Variants in INSL6 observed in about 807,000 individuals in gnomAD.
The protein encoded by INSL6 is insulin like 6.
In INSL6, 16 loss-of-function variants were observed where a neutral mutation model predicts 9.4. That is an observed-to-expected ratio of 1.70 (90% CI 1.15 to 2.59). INSL6 has a LOEUF of 2.59. Among genes scored for constraint, INSL6 ranks in the 30% most tolerant of loss-of-function variants. The probability of loss-of-function intolerance (pLI) is 0.00; values close to 1 mark genes in which losing one functional copy is unlikely to be tolerated. For missense variants in INSL6, 391 were observed against 257.3 expected (o/e 1.52, Z -3.56); for synonymous variants, 154 against 96.9 (o/e 1.59, Z -3.46).
intron 2 of INSL6, among the ~76,000 whole-genome samples, chr9:5,141,946 A>T (rs569055187): frequency 4.9e-4 from 74 of 152,034 alleles, no homozygotes; most frequent in African/African-American, 1.7e-3. Context: ...CTAGCAAGTT[A>T]TCCCAGGAGG....
At chr9:5,098,024 T>G in the INSL6 span, 1 of 152,204 alleles carries the variant, frequency 6.6e-6, no homozygotes, top group East Asian at 1.9e-4. Context: ...TATCTCATCC[T>G]TAGGCTCATT....
the INSL6 span, among the ~76,000 whole-genome samples, chr9:5,075,525 C>A: frequency 2.6e-5 from 4 of 152,186 alleles, no homozygotes; most frequent in South Asian, 2.1e-4. Flanking sequence ...GTGCTCTATA[C>A]ATGGAACAAG....
Position 5,184,013 on chromosome 9 carries a change from T to C in INSL6, c.289+1301A>G, listed in dbSNP as rs367579545. On this transcript the variant is annotated intron_variant, in intron 1 of 1. Coordinates refer to ENST00000381641, the MANE Select transcript of INSL6 (RefSeq NM_007179.3). ...CTGGGGAGAGACACTTCCTTCATTA[T>C]AACAGAAGGACAAGGTGAGGTTTGT... is the stretch of plus-strand genomic sequence containing the variant. 5.4e-4 allele frequency among the ~76,000 whole-genome samples: 82 copies of C among 152,308 alleles called. 1 individual carries two copies. The South Asian group carries it at 0.017, about 31-fold the overall frequency.
intron 2 of INSL6, among the ~76,000 whole-genome samples, chr9:5,147,314 C>T (rs1484196814): frequency 6.6e-6 from 1 of 152,168 alleles, no homozygotes; most frequent in Non-Finnish European, 1.5e-5. Context: ...AGTCTGGACT[C>T]CTCTCCTTGG....
the INSL6 span, among the ~76,000 whole-genome samples, chr9:5,016,134 C>A: frequency 6.6e-6 from 1 of 152,182 alleles, no homozygotes; most frequent in Non-Finnish European, 1.5e-5. Context: ...GAAGGGGAAC[C>A]TCCCGCCAAA....
chr9:5,116,799 C>A, the INSL6 span, among the ~76,000 whole-genome samples: 1 of 152,134 alleles, frequency 6.6e-6, no homozygotes, highest in African/African-American at 2.4e-5. Flanking sequence ...AGGTCCACTA[C>A]CCATAGTCCC....
the INSL6 span, among the ~76,000 whole-genome samples, chr9:5,116,042 A>G: frequency 6.6e-6 from 1 of 152,144 alleles, no homozygotes; most frequent in African/African-American, 2.4e-5. Flanking sequence ...ATGTATCCCA[A>G]AACTTAAAGT....
At chr9:5,103,693 A>G in the INSL6 span, among the ~76,000 whole-genome samples, 3 of 152,224 alleles carry the variant, frequency 2.0e-5, no homozygotes, top group African/African-American at 7.2e-5. Context: ...CAAACGTAAA[A>G]GAACAGATAT....
At chr9:5,017,026 T>A in the INSL6 span, among the ~76,000 whole-genome samples, 2 of 152,180 alleles carry the variant, frequency 1.3e-5, no homozygotes, top group Non-Finnish European at 2.9e-5. Context: ...TTTCCAAAAA[T>A]ATTGCAGAAC....
intron 2 of INSL6, among the ~76,000 whole-genome samples, chr9:5,146,792 G>A (rs1307926499): frequency 6.6e-6 from 1 of 152,188 alleles, no homozygotes; most frequent in African/African-American, 2.4e-5. Flanking sequence ...GCTTCAGTAT[G>A]GGGATGAAAT....
chr9:5,178,481 G>A (rs1480884964), intron 1 of INSL6, among the ~76,000 whole-genome samples: 2 of 152,184 alleles, frequency 1.3e-5, no homozygotes, highest in Non-Finnish European at 2.9e-5. Flanking sequence ...TCCATGTGGA[G>A]GCTTCAGCCA....
chr9:5,107,862 C>A, the INSL6 span: 1 of 152,092 alleles, frequency 6.6e-6, no homozygotes, highest in African/African-American at 2.4e-5. Flanking sequence ...GTGGGCCTTG[C>A]CTTATTAGTT....
chr9:5,099,842 T>TC, the INSL6 span: 1 of 152,120 alleles, frequency 6.6e-6, no homozygotes, highest in African/African-American at 2.4e-5. Context: ...ACACCAACTA[T>TC]CCAATTATCA....
intron 2 of INSL6, among the ~76,000 whole-genome samples, chr9:5,142,542 A>C (rs1328897310): frequency 6.6e-6 from 1 of 152,176 alleles, no homozygotes; most frequent in Non-Finnish European, 1.5e-5. Context: ...GATGTTCTGC[A>C]AATTGATCTT....
At position 5,185,369 on chromosome 9, in the gene INSL6, G is replaced by T; in HGVS notation, c.234C>A (p.Tyr78Ter). ...AAGCGGTTTGCGGGCTTTCGAACTGGTATGGGCTGTAGGCTTCGACCTTCT... is the reference window on the plus strand; with the variant it reads ...AAGCGGTTTGCGGGCTTTCGAACTGTTATGGGCTGTAGGCTTCGACCTTCT... Reference protein sequence around the residue: ...ASEKVEAYSPYQFESPQTASP... With the variant: ...ASEKVEAYSP The change falls in exon 1 of 2, where the codon TAC (tyrosine) becomes TAA (stop). Residue 78 changes from tyrosine to a stop codon, truncating the protein, a stop_gained. Coordinates refer to ENST00000381641, the MANE Select transcript of INSL6 (RefSeq NM_007179.3). LOFTEE classifies it high-confidence loss of function. 1 of 1,614,154 alleles carries T rather than the reference G, an allele frequency of 6.2e-7. No individual in the cohort carries two copies. The highest frequency in any genetic ancestry group is 8.5e-7 in the Non-Finnish European group (1 of 1,180,026).
At chr9:5,075,187 A>G in the INSL6 span, among the ~76,000 whole-genome samples, 8 of 152,262 alleles carry the variant, frequency 5.3e-5, no homozygotes, top group East Asian at 1.5e-3. Flanking sequence ...CCATGTGCAC[A>G]GCATAAGTGC....
the INSL6 span, chr9:5,086,241 G>A: frequency 8.7e-6 from 5 of 578,028 alleles, no homozygotes; most frequent in South Asian, 5.5e-5. Flanking sequence ...TGAAAGTCGC[G>A]GTAGGATGGT....
the INSL6 span, among the ~76,000 whole-genome samples, chr9:5,060,293 G>C: frequency 6.6e-6 from 1 of 152,162 alleles, no homozygotes. Context: ...AATTTCTTAA[G>C]ATAACAATGA....
chr9:5,101,886 C>T, the INSL6 span, among the ~76,000 whole-genome samples: 1 of 152,096 alleles, frequency 6.6e-6, no homozygotes, highest in Non-Finnish European at 1.5e-5. Context: ...ACACCAAAAC[C>T]CCATCTGTAG....
Sources: gnomAD v4.1 joint callset for allele counts (sites outside exome capture counted in the v4.1 genomes callset) on GRCh38, gnomAD v4.1.1 for gene constraint, MANE v1.5 for transcripts, NCBI Gene and HGNC (gene_info 2026-07-23, HGNC 2026-07-21) for gene names.